The following PYDC5 variants were observed in gnomAD, a reference collection of about 807,000 sequenced individuals.
PYDC5 encodes pyrin domain containing 5.
At chr1:159,000,986 T>A in the PYDC5 span, among the ~76,000 whole-genome samples, 4 of 152,150 alleles carry the variant, frequency 2.6e-5, no homozygotes, top group Admixed American at 2.6e-4. Context: ...TAGGGGAAGG[T>A]GTCTTAAGCA....
the PYDC5 span, among the ~76,000 whole-genome samples, chr1:159,001,577 A>G: frequency 6.6e-6 from 1 of 152,228 alleles, no homozygotes; most frequent in Non-Finnish European, 1.5e-5. Flanking sequence ...ATTAAACTAC[A>G]TGAACGCCCC....
chr1:159,002,405 C>T, the PYDC5 span, among the ~76,000 whole-genome samples: 9 of 152,238 alleles, frequency 5.9e-5, no homozygotes, highest in African/African-American at 2.2e-4. Flanking sequence ...GAAGCATTAG[C>T]AATTATTTTC....
chr1:159,001,107 A>C, the PYDC5 span, among the ~76,000 whole-genome samples: 1 of 152,242 alleles, frequency 6.6e-6, no homozygotes, highest in African/African-American at 2.4e-5. Flanking sequence ...TCCTGAAAGA[A>C]AACATAGGCA....
the PYDC5 span, among the ~76,000 whole-genome samples, chr1:159,001,762 GAC>G: frequency 6.6e-6 from 1 of 152,222 alleles, no homozygotes; most frequent in African/African-American, 2.4e-5. Context: ...AGAAAATTAA[GAC>G]ACCTTTTATC....
the PYDC5 span, among the ~76,000 whole-genome samples, chr1:159,002,384 G>A: frequency 1.4e-5 from 2 of 139,212 alleles, no homozygotes; most frequent in African/African-American, 2.7e-5. Flanking sequence ...ATATATAGTA[G>A]TGTTATAATT....
At chr1:159,000,636 G>A in the PYDC5 span, among the ~76,000 whole-genome samples, 4 of 152,130 alleles carry the variant, frequency 2.6e-5, no homozygotes, top group Non-Finnish European at 4.4e-5. Flanking sequence ...TATTTCACAT[G>A]TGCAATTTAA....
chr1:159,001,646 T>C, the PYDC5 span, among the ~76,000 whole-genome samples: 1 of 152,168 alleles, frequency 6.6e-6, no homozygotes, highest in Non-Finnish European at 1.5e-5. Flanking sequence ...TATTATATGC[T>C]AAACACAGTC....
At chr1:159,001,609 G>T in the PYDC5 span, among the ~76,000 whole-genome samples, 1 of 152,088 alleles carries the variant, frequency 6.6e-6, no homozygotes, top group Non-Finnish European at 1.5e-5. Flanking sequence ...TGAAAGAAAA[G>T]AAGGAAATTT....
At chr1:159,001,073 A>G in the PYDC5 span, among the ~76,000 whole-genome samples, 1 of 152,258 alleles carries the variant, frequency 6.6e-6, no homozygotes, top group African/African-American at 2.4e-5. Context: ...ATAAAAAAGA[A>G]AAATTAAACA....
chr1:159,001,277 A>T, the PYDC5 span, among the ~76,000 whole-genome samples: 1 of 152,198 alleles, frequency 6.6e-6, no homozygotes, highest in African/African-American at 2.4e-5. Flanking sequence ...TTTACTTTAA[A>T]AGTAGCAACC....
chr1:159,000,309 C>A, the PYDC5 span: 1 of 244,638 alleles, frequency 4.1e-6, no homozygotes, highest in South Asian at 7.9e-5. Context: ...TATTTACTCT[C>A]CATCTCACGA....
the PYDC5 span, among the ~76,000 whole-genome samples, chr1:159,000,700 A>T: frequency 6.6e-6 from 1 of 152,150 alleles, no homozygotes; most frequent in African/African-American, 2.4e-5. Context: ...TTCTTCTTTC[A>T]TGGATCATGT....
chr1:159,001,136 G>C, the PYDC5 span, among the ~76,000 whole-genome samples: 5 of 152,196 alleles, frequency 3.3e-5, no homozygotes, highest in African/African-American at 1.2e-4. Context: ...AATTCAGAAT[G>C]TGTGTAGAAC....
the PYDC5 span, among the ~76,000 whole-genome samples, chr1:159,001,989 G>A: frequency 9.8e-5 from 15 of 152,304 alleles, no homozygotes; most frequent in Non-Finnish European, 7.4e-5. Flanking sequence ...TGTGTACAAA[G>A]TGCTTTCACA....
chr1:159,001,426 A>T, the PYDC5 span, among the ~76,000 whole-genome samples: 2 of 152,344 alleles, frequency 1.3e-5, no homozygotes, highest in Middle Eastern at 3.4e-3. Flanking sequence ...ATATGAACTT[A>T]TTATTTTTTC....
chr1:159,001,268 T>C, the PYDC5 span, among the ~76,000 whole-genome samples: 3 of 152,284 alleles, frequency 2.0e-5, 1 homozygote, highest in South Asian at 6.2e-4. Context: ...TTTAGTAATT[T>C]TACTTTAAAA....
At chr1:159,001,314 A>G in the PYDC5 span, among the ~76,000 whole-genome samples, 1 of 152,192 alleles carries the variant, frequency 6.6e-6, no homozygotes, top group South Asian at 2.1e-4. Flanking sequence ...TGAGCCAAGA[A>G]CAAGAAAGGA....
At chr1:159,000,552 A>C in the PYDC5 span, among the ~76,000 whole-genome samples, 1 of 152,314 alleles carries the variant, frequency 6.6e-6, no homozygotes, top group South Asian at 2.1e-4. Context: ...GAATTCTTAG[A>C]AAATGGGATC....
chr1:159,000,972 G>A, the PYDC5 span, among the ~76,000 whole-genome samples: 16 of 152,314 alleles, frequency 1.1e-4, no homozygotes, highest in East Asian at 2.9e-3. Context: ...TCAATATGTT[G>A]AGGTAGGGGA....
Sources: allele counts gnomAD v4.1 joint callset (sites outside exome capture counted in the v4.1 genomes callset), GRCh38; gene constraint gnomAD v4.1.1; transcripts MANE v1.5; gene names NCBI Gene and HGNC (gene_info 2026-07-23, HGNC 2026-07-21).